FSTL5: variants seen among roughly 807,000 people sequenced by gnomAD.
FSTL5 encodes the protein follistatin like 5.
In FSTL5, 62 loss-of-function variants were observed where a neutral mutation model predicts 89.1. The observed-to-expected ratio is 0.70, with a 90% confidence interval of 0.57 to 0.86. FSTL5 has a LOEUF of 0.86. Among genes scored for constraint, FSTL5 ranks in the 40% least tolerant of loss-of-function variants. The probability of loss-of-function intolerance (pLI) is 0.00; values close to 1 mark genes in which losing one functional copy is unlikely to be tolerated. For missense variants in FSTL5, 1,057 were observed against 1,001.6 expected, an observed-to-expected ratio of 1.06 and a Z score of -0.75; for synonymous variants, 383 against 346.2, an observed-to-expected ratio of 1.11 and a Z score of -1.18.
intron 2 of FSTL5, among the ~76,000 whole-genome samples, chr4:162,042,853 A>C (rs1738019224): frequency 6.7e-6 from 1 of 149,664 alleles, no homozygotes; most frequent in South Asian, 2.1e-4. Flanking sequence ...AGAACAAAAA[A>C]CCAAACACCG....
intron 15 of FSTL5, among the ~76,000 whole-genome samples, chr4:161,429,156 T>TTG (rs887609745): frequency 1.3e-4 from 19 of 151,644 alleles, no homozygotes; most frequent in South Asian, 6.3e-4. Context: ...AAGGGCTTTT[T>TTG]TGTGTGTGTG....
intron 2 of FSTL5, among the ~76,000 whole-genome samples, chr4:162,104,763 C>A (rs949501877): frequency 6.6e-6 from 1 of 152,174 alleles, no homozygotes; most frequent in Non-Finnish European, 1.5e-5. Context: ...GACAGGCTAT[C>A]TTTAGAGCTT....
At chr4:161,833,334 G>C (rs1330391050) in intron 4 of FSTL5, among the ~76,000 whole-genome samples, 2 of 151,632 alleles carry the variant, frequency 1.3e-5, no homozygotes, top group African/African-American at 4.8e-5. Context: ...GTGTGGTGTG[G>C]TGCTGAAAAA....
At chr4:161,845,167 T>C (rs1274380210) in intron 4 of FSTL5, among the ~76,000 whole-genome samples, 1 of 152,218 alleles carries the variant, frequency 6.6e-6, no homozygotes, top group Non-Finnish European at 1.5e-5. Flanking sequence ...ACTTTTAAAA[T>C]GTACTTTAGC....
intron 3 of FSTL5, among the ~76,000 whole-genome samples, chr4:161,935,710 T>C (rs1448462674): frequency 6.6e-6 from 1 of 152,144 alleles, no homozygotes; most frequent in African/African-American, 2.4e-5. Context: ...TTTTGTTCTT[T>C]CTCATGGTCC....
At chr4:161,613,448 C>CA (rs557598699) in intron 7 of FSTL5, among the ~76,000 whole-genome samples, 29,000 of 109,308 alleles carry the variant, frequency 0.27, 2,995 homozygotes, top group East Asian at 0.38. Context: ...GTCTCCGTTT[C>CA]AAAAAAAAAA....
intron 4 of FSTL5, among the ~76,000 whole-genome samples, chr4:161,828,065 C>G (rs1055386979): frequency 6.6e-6 from 1 of 152,178 alleles, no homozygotes; most frequent in Non-Finnish European, 1.5e-5. Flanking sequence ...TAGCCCTCCC[C>G]AAGGACCTCT....
At chr4:161,844,648 A>G (rs902719486) in intron 4 of FSTL5, among the ~76,000 whole-genome samples, 1 of 152,152 alleles carries the variant, frequency 6.6e-6, no homozygotes, top group Non-Finnish European at 1.5e-5. Flanking sequence ...AGGGACATGG[A>G]TGAAGCTGGA....
At chr4:161,733,095 A>G (rs1309557030) in intron 6 of FSTL5, among the ~76,000 whole-genome samples, 2 of 152,018 alleles carry the variant, frequency 1.3e-5, no homozygotes, top group East Asian at 3.9e-4. Flanking sequence ...TCTTAATAAT[A>G]TTGAGTCTTC....
intron 7 of FSTL5, among the ~76,000 whole-genome samples, chr4:161,640,745 A>G (rs568712939): frequency 6.6e-6 from 1 of 152,336 alleles, no homozygotes; most frequent in South Asian, 2.1e-4. Context: ...AATATTTGAA[A>G]AAATAATGGC....
At chr4:161,665,286 G>C (rs1736849800) in intron 6 of FSTL5, among the ~76,000 whole-genome samples, 1 of 151,996 alleles carries the variant, frequency 6.6e-6, no homozygotes, top group Non-Finnish European at 1.5e-5. Flanking sequence ...CCTTCACCCA[G>C]GCTGGAGTAC....
intron 6 of FSTL5, among the ~76,000 whole-genome samples, chr4:161,705,573 A>G (rs1179730142): frequency 1.3e-5 from 2 of 151,948 alleles, no homozygotes; most frequent in Non-Finnish European, 2.9e-5. Context: ...TTGCTTAAAT[A>G]CAAAAGATCT....
intron 8 of FSTL5, among the ~76,000 whole-genome samples, chr4:161,562,794 C>T (rs1464627079): frequency 6.6e-6 from 1 of 151,962 alleles, no homozygotes; most frequent in African/African-American, 2.4e-5. Context: ...CACTCATCTC[C>T]ATAACTCTTG....
At chr4:162,058,379 A>C (rs1164941105) in intron 2 of FSTL5, among the ~76,000 whole-genome samples, 1 of 151,190 alleles carries the variant, frequency 6.6e-6, no homozygotes, top group Non-Finnish European at 1.5e-5. Context: ...TTTTAAAGGG[A>C]GAATAATTCT....
intron 10 of FSTL5, among the ~76,000 whole-genome samples, chr4:161,526,722 G>T (rs537202822): frequency 6.5e-4 from 99 of 152,248 alleles, no homozygotes; most frequent in Non-Finnish European, 1.4e-3. Context: ...CACATTGCTT[G>T]TTTTTCTCAG....
intron 6 of FSTL5, among the ~76,000 whole-genome samples, chr4:161,661,405 T>A (rs6840633): frequency 0.15 from 23,479 of 152,034 alleles, 2,081 homozygotes; most frequent in East Asian, 0.32. Context: ...TAATAATGGG[T>A]ATTTTACCTC....
intron 1 of FSTL5, among the ~76,000 whole-genome samples, chr4:162,159,995 A>C (rs1316227262): frequency 1.4e-5 from 2 of 143,568 alleles, no homozygotes; most frequent in African/African-American, 5.1e-5. Context: ...ATTACAGCTT[A>C]TTATCTAAAT....
At chr4:161,981,765 A>T (rs1735834301) in intron 3 of FSTL5, among the ~76,000 whole-genome samples, 1 of 152,210 alleles carries the variant, frequency 6.6e-6, no homozygotes, top group East Asian at 1.9e-4. Context: ...TTAGTGTTTA[A>T]GCACATTTCT....
intron 7 of FSTL5, among the ~76,000 whole-genome samples, chr4:161,604,342 C>T (rs4554021): frequency 0.18 from 27,563 of 151,636 alleles, 3,294 homozygotes; most frequent in Non-Finnish European, 0.27. Context: ...CATTTAGGAA[C>T]CAATCAATCA....
Sources: gnomAD v4.1 joint callset for allele counts (sites outside exome capture counted in the v4.1 genomes callset) on GRCh38, gnomAD v4.1.1 for gene constraint, MANE v1.5 for transcripts, NCBI Gene and HGNC (gene_info 2026-07-23, HGNC 2026-07-21) for gene names.